The following AMOTL1 variants were observed in gnomAD, a reference collection of about 807,000 sequenced individuals.
The protein encoded by AMOTL1 is angiomotin-like protein 1.
Under a neutral mutation model 102.9 loss-of-function variants are expected in AMOTL1, and 45 were observed. The observed-to-expected ratio is 0.44, with a 90% confidence interval of 0.34 to 0.56. The LOEUF is 0.56. Ranked by LOEUF, AMOTL1 falls within the 20% of genes least tolerant of loss-of-function variation. The pLI is 0.01. For missense variants in AMOTL1, 1,114 were observed against 1,225.6 expected (o/e 0.91, Z 1.36); for synonymous variants, 481 against 484.7 (o/e 0.99, Z 0.10).
In AMOTL1 at chr11:94,870,830, G is replaced by A; in HGVS notation, c.*35G>A. On this transcript the variant is annotated 3_prime_UTR_variant, in exon 13 of 13. Transcript: ENST00000433060. Reference sequence around the variant, plus strand: ...CTGTGGAATTTCAGTACAGAACACTGACAAACAAGGAAAGCGGCAGAGAAA... The same window carrying A: ...CTGTGGAATTTCAGTACAGAACACTAACAAACAAGGAAAGCGGCAGAGAAA... The A allele has an allele frequency of 6.6e-7, 1 of 1,512,802 alleles. No homozygotes were observed. Among genetic ancestry groups the A allele is most frequent in the Non-Finnish European group, 9.0e-7 (1 of 1,114,172 alleles). The allele number at this position is 1,512,802 out of a possible 1,614,324, so 93.7% of individuals were successfully genotyped here.
intron 6 of AMOTL1, among the ~76,000 whole-genome samples, chr11:94,841,073 A>G (rs540080416): frequency 4.9e-4 from 74 of 152,280 alleles, no homozygotes; most frequent in Non-Finnish European, 8.8e-4. Context: ...TTCTCTGCAC[A>G]GGAGCCAAAT....
At chr11:94,774,801 C>A (rs939634045) in intron 1 of AMOTL1, among the ~76,000 whole-genome samples, 1 of 152,212 alleles carries the variant, frequency 6.6e-6, no homozygotes, top group East Asian at 1.9e-4. Flanking sequence ...TGGGCCTGGA[C>A]TGAGATGCTT....
At chr11:94,780,215 T>C (rs1478691441) in intron 1 of AMOTL1, among the ~76,000 whole-genome samples, 1 of 152,186 alleles carries the variant, frequency 6.6e-6, no homozygotes, top group Non-Finnish European at 1.5e-5. Flanking sequence ...ATTGTCACTG[T>C]CTCTGAAGAT....
At chr11:94,716,794 A>C (rs1367542145) in intron 1 of AMOTL1, among the ~76,000 whole-genome samples, 1 of 151,988 alleles carries the variant, frequency 6.6e-6, no homozygotes, top group Non-Finnish European at 1.5e-5. Context: ...CCATTCTATT[A>C]TTGGATGGGG....
chr11:94,762,748 T>C (rs1284789820), intron 3 of AMOTL1, among the ~76,000 whole-genome samples: 3 of 152,314 alleles, frequency 2.0e-5, no homozygotes, highest in East Asian at 1.9e-4. Context: ...TTGGTACAGG[T>C]GCATTTTCTC....
chr11:94,735,540 T>C (rs984711917), intron 2 of AMOTL1, among the ~76,000 whole-genome samples: 1 of 152,214 alleles, frequency 6.6e-6, no homozygotes, highest in African/African-American at 2.4e-5. Flanking sequence ...CTTCTATGAC[T>C]TTTTAATATA....
At chr11:94,707,140 G>A (rs748072041) in intron 1 of AMOTL1, among the ~76,000 whole-genome samples, 1 of 151,974 alleles carries the variant, frequency 6.6e-6, no homozygotes, top group Non-Finnish European at 1.5e-5. Flanking sequence ...CTGTGCTGCC[G>A]CATGCAGGGC....
chr11:94,710,576 G>A (rs972765089), intron 1 of AMOTL1, among the ~76,000 whole-genome samples: 3 of 152,180 alleles, frequency 2.0e-5, no homozygotes, highest in Non-Finnish European at 4.4e-5. Flanking sequence ...TGGCAGTAGT[G>A]ACAGCGTTGG....
At position 94,869,240 on chromosome 11, in the gene AMOTL1, C is replaced by A. The variant is rs772779900; in HGVS notation, c.2531C>A (p.Pro844Gln). The change falls in exon 12 of 13, where the codon CCA (proline) becomes CAA (glutamine). Residue 844 changes from proline to glutamine, a missense_variant. Pro to Gln is a moderately conservative substitution (Grantham distance 76). Coordinates refer to ENST00000433060, the MANE Select transcript of AMOTL1 (RefSeq NM_130847.3). ...GAGCACCATGAGCATGCCTCTGCCC[C>A]ACTGCTGCCACCCCCACCCACCTCA... ...GKEHHEHASA[P>Q]LLPPPPTSAL... 2 of 1,612,340 alleles carry A rather than the reference C, an allele frequency of 1.2e-6. No homozygotes were observed. Among genetic ancestry groups the A allele is most frequent in the Admixed American group, 3.3e-5 (2 of 59,986 alleles).
intron 3 of AMOTL1, among the ~76,000 whole-genome samples, chr11:94,750,114 A>G (rs1950634312): frequency 6.6e-6 from 1 of 152,162 alleles, no homozygotes; most frequent in Non-Finnish European, 1.5e-5. Flanking sequence ...CCCCAAATAT[A>G]ACAATTTCCA....
chr11:94,817,781 A>C (rs1951791045), intron 3 of AMOTL1, among the ~76,000 whole-genome samples: 1 of 152,220 alleles, frequency 6.6e-6, no homozygotes, highest in African/African-American at 2.4e-5. Flanking sequence ...AGAATAGAGG[A>C]AAAACTTGCA....
intron 2 of AMOTL1, among the ~76,000 whole-genome samples, chr11:94,731,023 A>C (rs1395714631): frequency 6.6e-6 from 1 of 152,216 alleles, no homozygotes; most frequent in East Asian, 1.9e-4. Flanking sequence ...TACTGTGACC[A>C]TCTCCAAGCT....
rs755187539 is a variant in AMOTL1 at position 94,854,081 on chromosome 11, A to G, written c.1943A>G (p.Gln648Arg). Residue 648 changes from glutamine (Q) to arginine (R), a missense_variant and splice_region_variant, in exon 8 of 13, where the codon CAG (glutamine) becomes CGG (arginine). By Grantham distance (43) the Gln-to-Arg change is conservative. Coordinates refer to ENST00000433060, the MANE Select transcript of AMOTL1 (RefSeq NM_130847.3). ...GAGCTGGATGCACTGAGAACCCAGC[A>G]GGTAAGGAACTGGGCATGGACTGGT... ...ERELDALRTQQKHGNGQPANM... is the reference protein window; with the variant it reads ...ERELDALRTQRKHGNGQPANM... The G allele has an allele frequency of 1.2e-5, 18 of 1,543,494 alleles. No individual in the cohort carries two copies. In the Admixed American group the frequency reaches 3.4e-4, roughly 29 times the overall value.
chr11:94,709,374 G>A (rs1158691371), intron 1 of AMOTL1, among the ~76,000 whole-genome samples: 1 of 144,096 alleles, frequency 6.9e-6, no homozygotes. Flanking sequence ...AAAAAAAAAA[G>A]TTCCTTAATT....
intron 3 of AMOTL1, among the ~76,000 whole-genome samples, chr11:94,815,237 T>C (rs951636025): frequency 1.3e-5 from 2 of 152,190 alleles, no homozygotes; most frequent in Non-Finnish European, 2.9e-5. Context: ...TATAAAGTTA[T>C]AAATGTAGCA....
intron 6 of AMOTL1, among the ~76,000 whole-genome samples, chr11:94,834,664 C>T (rs1409862661): frequency 1.3e-5 from 2 of 152,152 alleles, no homozygotes; most frequent in African/African-American, 4.8e-5. Context: ...TTCTGCCAGC[C>T]ACCTTGGCAA....
chr11:94,777,016 TTAAATTCATTGCAGAAAAACACATG>T (rs1173859273), intron 1 of AMOTL1, among the ~76,000 whole-genome samples: 1 of 152,236 alleles, frequency 6.6e-6, no homozygotes, highest in African/African-American at 2.4e-5. Context: ...GTGCATATCA[TTAAATTCATTGCAGAAAAACACATG>T]TAAAACCAAT....
intron 3 of AMOTL1, among the ~76,000 whole-genome samples, chr11:94,807,340 C>A (rs1490164115): frequency 7.9e-5 from 12 of 152,078 alleles, no homozygotes; most frequent in Non-Finnish European, 1.5e-5. Context: ...CTCTTCACAG[C>A]CAAGAAGCCC....
intron 11 of AMOTL1, among the ~76,000 whole-genome samples, chr11:94,868,495 AG>A (rs1254505502): frequency 1.3e-5 from 2 of 152,060 alleles, no homozygotes; most frequent in Non-Finnish European, 2.9e-5. Flanking sequence ...ACTACTCTTG[AG>A]GAAGGGGGTA....
Sources: gnomAD v4.1 joint callset for allele counts (sites outside exome capture counted in the v4.1 genomes callset) on GRCh38, gnomAD v4.1.1 for gene constraint, MANE v1.5 for transcripts, NCBI Gene and HGNC (gene_info 2026-07-23, HGNC 2026-07-21) for gene names.